The following STK32B variants were observed in gnomAD, a reference collection of about 807,000 sequenced individuals.
The protein encoded by STK32B is serine/threonine-protein kinase 32B.
STK32B carries 43 observed loss-of-function variants against 52.6 expected under a neutral mutation model. The observed-to-expected ratio is 0.82, with a 90% CI of 0.64 to 1.05. STK32B has a LOEUF of 1.05. Ranked by LOEUF, STK32B falls within the 50% of genes least tolerant of loss-of-function variation. STK32B has a pLI of 0.00. For missense variants in STK32B, 621 were observed against 534.6 expected, an observed-to-expected ratio of 1.16 and a Z score of -1.59; for synonymous variants, 238 against 204.3, an observed-to-expected ratio of 1.17 and a Z score of -1.41.
intron 11 of STK32B, among the ~76,000 whole-genome samples, chr4:5,475,149 C>T (rs1176107828): frequency 1.2e-4 from 18 of 152,126 alleles, no homozygotes; most frequent in Admixed American, 7.9e-4. Flanking sequence ...TGGCCAGGCA[C>T]GGTGGCTCAC....
chr4:5,386,925 T>C lies in STK32B; in HGVS notation c.435-11282T>C, dbSNP rs1736292304. Among the ~76,000 whole-genome samples, 1 of 152,182 alleles carries C rather than the reference T, an allele frequency of 6.6e-6. No individual in the cohort carries two copies. Among genetic ancestry groups the C allele is most frequent in the Admixed American group, 6.5e-5 (1 of 15,280 alleles). On this transcript the variant is annotated intron_variant, in intron 4 of 11. Coordinates refer to ENST00000282908, the MANE Select transcript of STK32B (RefSeq NM_018401.3). The surrounding 1 kb of genome is among the most constrained non-coding windows in gnomAD (Gnocchi z 4.5). ...AACATGAGGCCGTGGCCTGAGCGTC[T>C]TCACAGAAATAGGAAGCTCTCGAAG...
intron 1 of STK32B, among the ~76,000 whole-genome samples, chr4:5,128,111 C>T (rs1018315236): frequency 5.3e-5 from 8 of 152,206 alleles, no homozygotes; most frequent in African/African-American, 1.4e-4. Context: ...CAGCTGGCAA[C>T]TCCCAGAAGC....
intron 1 of STK32B, among the ~76,000 whole-genome samples, chr4:5,127,814 A>G (rs1715496588): frequency 6.6e-6 from 1 of 152,118 alleles, no homozygotes; most frequent in Admixed American, 6.5e-5. Flanking sequence ...GTGTCGTGGT[A>G]GGGACCTCGT....
rs372607888 is a variant in STK32B, at chr4:5,499,118, C to T, written c.*35C>T. The T allele has an allele frequency of 2.4e-5, 37 of 1,567,734 alleles. No individual in the cohort carries two copies. Among genetic ancestry groups the T allele is most frequent in the Admixed American group, 5.3e-5 (3 of 56,864 alleles). On this transcript the variant is annotated 3_prime_UTR_variant, in exon 12 of 12. Coordinates refer to ENST00000282908, the MANE Select transcript of STK32B (RefSeq NM_018401.3). ...TGTTGCTGCTCAACAGGACTGCACT[C>T]GTCTCTGCCCTGCCCACCCAGAGCC... is the stretch of plus-strand genomic sequence containing the variant.
intron 3 of STK32B, among the ~76,000 whole-genome samples, chr4:5,242,612 T>C (rs1173189655): frequency 6.6e-6 from 1 of 152,242 alleles, no homozygotes; most frequent in East Asian, 1.9e-4. Context: ...TTGGCTTTTG[T>C]TGCCATTGCT....
At chr4:5,164,872 C>G (rs921225608) in intron 2 of STK32B, among the ~76,000 whole-genome samples, 1 of 152,188 alleles carries the variant, frequency 6.6e-6, no homozygotes, top group African/African-American at 2.4e-5. Context: ...TTTAGCTTAG[C>G]TCTTTGTTTT....
chr4:5,076,034 C>A (rs1372834369), intron 1 of STK32B, among the ~76,000 whole-genome samples: 2 of 152,276 alleles, frequency 1.3e-5, no homozygotes, highest in African/African-American at 4.8e-5. Context: ...TGGACTAAGT[C>A]CTTCTCATGG....
intron 3 of STK32B, among the ~76,000 whole-genome samples, chr4:5,324,503 G>A (rs1015074558): frequency 4.6e-5 from 7 of 152,170 alleles, no homozygotes; most frequent in Admixed American, 6.5e-5. Context: ...AGGAGGGAGC[G>A]TCAGTCTTAA....
At chr4:5,118,031 C>T (rs1433242422) in intron 1 of STK32B, among the ~76,000 whole-genome samples, 1 of 152,090 alleles carries the variant, frequency 6.6e-6, no homozygotes, top group East Asian at 1.9e-4. Flanking sequence ...TTGTAGCGTC[C>T]TTGTCTGGCT....
chr4:5,120,817 A>T (rs1244862520), intron 1 of STK32B, among the ~76,000 whole-genome samples: 1 of 151,732 alleles, frequency 6.6e-6, no homozygotes, highest in African/African-American at 2.4e-5. Flanking sequence ...GAGAAAATAC[A>T]TATAGAAAAA....
intron 3 of STK32B, among the ~76,000 whole-genome samples, chr4:5,321,819 C>T (rs556991671): frequency 1.3e-5 from 2 of 152,262 alleles, no homozygotes; most frequent in South Asian, 4.1e-4. Flanking sequence ...CCAACTGCCT[C>T]TGCCTGGAGG....
At chr4:5,461,870 CCA>C (rs1260845493) in intron 9 of STK32B, among the ~76,000 whole-genome samples, 1 of 152,178 alleles carries the variant, frequency 6.6e-6, no homozygotes, top group African/African-American at 2.4e-5. Flanking sequence ...TTCCTTGACC[CCA>C]GAGTGGACAT....
intron 5 of STK32B, among the ~76,000 whole-genome samples, chr4:5,415,602 G>A (rs1341200635): frequency 1.3e-5 from 2 of 152,154 alleles, no homozygotes; most frequent in Non-Finnish European, 2.9e-5. Flanking sequence ...CAAAGACCTG[G>A]TTGGGTGACT....
intron 1 of STK32B, among the ~76,000 whole-genome samples, chr4:5,095,337 A>G (rs940481744): frequency 1.3e-5 from 2 of 152,176 alleles, no homozygotes; most frequent in African/African-American, 4.8e-5. Context: ...CGGAGAGGCC[A>G]GGTGCAGTGG....
At chr4:5,296,160 C>T (rs977063805) in intron 3 of STK32B, among the ~76,000 whole-genome samples, 2 of 152,100 alleles carry the variant, frequency 1.3e-5, no homozygotes, top group African/African-American at 4.8e-5. Context: ...TTTGCATTTG[C>T]TGAGGAGTGT....
At chr4:5,221,685 G>C (rs1407891938) in intron 3 of STK32B, among the ~76,000 whole-genome samples, 2 of 151,874 alleles carry the variant, frequency 1.3e-5, no homozygotes, top group Admixed American at 6.6e-5. Context: ...GTGAAACGCT[G>C]TCTCTACTAA....
At chr4:5,267,804 G>A (rs1399546290) in intron 3 of STK32B, among the ~76,000 whole-genome samples, 1 of 152,162 alleles carries the variant, frequency 6.6e-6, no homozygotes, top group Non-Finnish European at 1.5e-5. Flanking sequence ...GACGCTGCTT[G>A]TACCATATTT....
intron 11 of STK32B, among the ~76,000 whole-genome samples, chr4:5,496,669 G>T (rs937020800): frequency 6.6e-6 from 1 of 152,120 alleles, no homozygotes; most frequent in Non-Finnish European, 1.5e-5. Flanking sequence ...CTGTAGACCG[G>T]AGCTGTTCCT....
chr4:5,271,393 T>G (rs1050004414), intron 3 of STK32B, among the ~76,000 whole-genome samples: 1 of 152,190 alleles, frequency 6.6e-6, no homozygotes, highest in African/African-American at 2.4e-5. Context: ...TGATGAGTCT[T>G]AAGACTCAAT....
Sources: gnomAD v4.1 joint callset for allele counts (sites outside exome capture counted in the v4.1 genomes callset) on GRCh38, gnomAD v4.1.1 for gene constraint, Gnocchi (gnomAD v3.1) non-coding constraint, MANE v1.5 for transcripts, NCBI Gene and HGNC (gene_info 2026-07-23, HGNC 2026-07-21) for gene names.